Variants in DIS3L2 observed in about 807,000 individuals in gnomAD.
The protein encoded by DIS3L2 is DIS3 like 3'-5' exoribonuclease 2, also known as DIS3-like exonuclease 2.
DIS3L2 carries 34 observed loss-of-function variants against 97.5 expected under a neutral mutation model. The ratio of observed to expected loss-of-function variants is 0.35; its 90% CI spans 0.27 to 0.46. DIS3L2 has a LOEUF of 0.46. DIS3L2 is among the 20% of genes least tolerant of loss of function. The pLI is 1.00. For missense variants in DIS3L2, 1,038 were observed against 1,146.0 expected (o/e 0.91, Z 1.36); for synonymous variants, 435 against 445.2 (o/e 0.98, Z 0.29).
At chr2:232,236,543 G>A (rs1382872002) in intron 10 of DIS3L2, among the ~76,000 whole-genome samples, 1 of 152,140 alleles carries the variant, frequency 6.6e-6, no homozygotes, top group Non-Finnish European at 1.5e-5. Context: ...GCATGATTAT[G>A]TAGCATAGAT....
At chr2:232,074,955 G>C (rs1696141824) in intron 5 of DIS3L2, among the ~76,000 whole-genome samples, 1 of 152,216 alleles carries the variant, frequency 6.6e-6, no homozygotes, top group South Asian at 2.1e-4. Flanking sequence ...TTTAGGCAGA[G>C]AGAGAGAAGT....
chr2:232,282,065 C>T (rs1170236513), intron 13 of DIS3L2, among the ~76,000 whole-genome samples: 4 of 151,080 alleles, frequency 2.6e-5, no homozygotes, highest in South Asian at 4.2e-4. Context: ...GGAAACCAGC[C>T]GTCCTTCCTC....
At chr2:232,275,101 T>G (rs1292108577) in intron 13 of DIS3L2, among the ~76,000 whole-genome samples, 2 of 152,070 alleles carry the variant, frequency 1.3e-5, no homozygotes, top group East Asian at 3.9e-4. Context: ...GGGCCTCCAT[T>G]TGATCCCCGC....
At chr2:232,055,270 T>C (rs891984933) in intron 5 of DIS3L2, among the ~76,000 whole-genome samples, 6 of 152,172 alleles carry the variant, frequency 3.9e-5, no homozygotes, top group African/African-American at 1.4e-4. Flanking sequence ...GACATGAGGA[T>C]TGGGAAAGTA....
intron 13 of DIS3L2, among the ~76,000 whole-genome samples, chr2:232,270,860 GTCTCTCTCTCTC>G (rs71056262): frequency 0.076 from 7,875 of 103,732 alleles, 387 homozygotes; most frequent in Middle Eastern, 0.1. Context: ...TCTTTTTCTC[GTCTCTCTCTCTC>G]TCTCTCTCTC....
chr2:231,973,104 C>A (rs1206052052), intron 1 of DIS3L2, among the ~76,000 whole-genome samples: 1 of 152,160 alleles, frequency 6.6e-6, no homozygotes, highest in East Asian at 1.9e-4. Context: ...GGTATAGTTT[C>A]CTTAAATGTT....
At chr2:232,003,538 G>T (rs1188872160) in intron 1 of DIS3L2, among the ~76,000 whole-genome samples, 3 of 152,090 alleles carry the variant, frequency 2.0e-5, no homozygotes, top group Admixed American at 6.5e-5. Flanking sequence ...AAATATTTCT[G>T]GTGCTTAACA....
chr2:231,977,797 A>T (rs946827977), intron 1 of DIS3L2, among the ~76,000 whole-genome samples: 10 of 148,490 alleles, frequency 6.7e-5, no homozygotes, highest in Admixed American at 6.0e-4. Context: ...TTAGAAAATA[A>T]TTAATGGAAA....
intron 9 of DIS3L2, among the ~76,000 whole-genome samples, chr2:232,186,504 A>G (rs528531437): frequency 6.6e-6 from 1 of 152,230 alleles, no homozygotes; most frequent in African/African-American, 2.4e-5. Context: ...CAATTTTTAC[A>G]CAATCTTTGC....
At chr2:232,098,825 C>A (rs1259241580) in intron 6 of DIS3L2, among the ~76,000 whole-genome samples, 1 of 152,004 alleles carries the variant, frequency 6.6e-6, no homozygotes, top group Non-Finnish European at 1.5e-5. Flanking sequence ...CTCATTTTGT[C>A]ATTTAGTCAT....
intron 9 of DIS3L2, among the ~76,000 whole-genome samples, chr2:232,173,573 A>G (rs1169431973): frequency 6.6e-6 from 1 of 152,142 alleles, no homozygotes; most frequent in East Asian, 1.9e-4. Context: ...GTTAGTTGTT[A>G]TATTTATGAT....
chr2:232,096,209 C>T (rs1363920073), intron 6 of DIS3L2, among the ~76,000 whole-genome samples: 1 of 151,896 alleles, frequency 6.6e-6, no homozygotes. Context: ...GCCTCGGCCT[C>T]CCGAGTAGCT....
intron 11 of DIS3L2, among the ~76,000 whole-genome samples, chr2:232,249,018 C>G (rs777603224): frequency 2.6e-5 from 4 of 152,190 alleles, no homozygotes; most frequent in African/African-American, 7.2e-5. Context: ...TCTTCCCTTA[C>G]CAGTTCTCCT....
At chr2:232,279,496 T>C (rs1326186264) in intron 13 of DIS3L2, among the ~76,000 whole-genome samples, 1 of 134,810 alleles carries the variant, frequency 7.4e-6, no homozygotes, top group Non-Finnish European at 1.6e-5. Context: ...TTTGGAGAAT[T>C]GGTGTGTGTG....
intron 8 of DIS3L2, among the ~76,000 whole-genome samples, chr2:232,156,409 C>A (rs73095654): frequency 0.035 from 5,304 of 151,846 alleles, 134 homozygotes; most frequent in African/African-American, 0.058. Context: ...TATCTTTGGT[C>A]ATTTCTGTGG....
intron 14 of DIS3L2, among the ~76,000 whole-genome samples, chr2:232,322,475 C>G (rs1205445192): frequency 6.6e-6 from 1 of 152,244 alleles, no homozygotes; most frequent in Non-Finnish European, 1.5e-5. Flanking sequence ...CCACAGTCCC[C>G]TCCCCATGCA....
rs1465526213 is a variant in DIS3L2 at position 232,325,414 on chromosome 2, C to T, written c.1740-4399C>T. Reference sequence around the variant, plus strand: ...TGCTGTGGGGAGTGTGTACCGTGTGCGGGGGGCTGGTGGCCTTTCTCTGCT... The same window carrying T: ...TGCTGTGGGGAGTGTGTACCGTGTGTGGGGGGCTGGTGGCCTTTCTCTGCT... On this transcript the variant is annotated intron_variant, in intron 14 of 20. Transcript: ENST00000325385. This position sits in a 1 kb window ranked among gnomAD's most constrained non-coding sequence, Gnocchi z 4.6. 2.6e-5 allele frequency among the ~76,000 whole-genome samples: 4 copies of T among 152,198 alleles called. No homozygotes were observed. Among genetic ancestry groups the T allele is most frequent in the Non-Finnish European group, 4.4e-5 (3 of 68,030 alleles).
At chr2:232,221,645 A>C (rs898448101) in intron 10 of DIS3L2, among the ~76,000 whole-genome samples, 1 of 152,086 alleles carries the variant, frequency 6.6e-6, no homozygotes, top group African/African-American at 2.4e-5. Flanking sequence ...CTCTACTAAA[A>C]ATACAAAAAT....
At chr2:232,034,096 C>T (rs934996707) in intron 5 of DIS3L2, among the ~76,000 whole-genome samples, 2 of 152,086 alleles carry the variant, frequency 1.3e-5, no homozygotes, top group African/African-American at 2.4e-5. Context: ...TCCATCTGGT[C>T]CTGGGCCTTT....
Sources: allele counts gnomAD v4.1 joint callset (sites outside exome capture counted in the v4.1 genomes callset), GRCh38; gene constraint gnomAD v4.1.1; non-coding constraint Gnocchi (gnomAD v3.1); transcripts MANE v1.5; gene names NCBI Gene and HGNC (gene_info 2026-07-23, HGNC 2026-07-21).